The following TIE1 variants were observed in gnomAD, a reference collection of about 807,000 sequenced individuals.
TIE1 encodes the protein tyrosine kinase with immunoglobulin like and EGF like domains 1.
In TIE1, 89 loss-of-function variants were observed where a neutral mutation model predicts 130.5. The ratio of observed to expected loss-of-function variants is 0.68; its 90% CI spans 0.57 to 0.81. TIE1 has a LOEUF of 0.81. TIE1 is among the 40% of genes least tolerant of loss of function. The pLI is 0.00. For synonymous variants in TIE1, 568 were observed against 629.4 expected (o/e 0.90, Z 1.46); for missense variants, 1,392 against 1,559.8 (o/e 0.89, Z 1.81).
Position 43,307,349 on chromosome 1 carries a change from G to A in TIE1, c.772+76G>A. 3.7e-6 allele frequency: 6 copies of A among 1,611,716 alleles called. No homozygotes were observed. The highest frequency in any genetic ancestry group is 4.2e-6 in the Non-Finnish European group (5 of 1,178,450). On this transcript the variant is annotated intron_variant, in intron 5 of 22. Coordinates refer to ENST00000372476, the MANE Select transcript of TIE1 (RefSeq NM_005424.5). The surrounding 1 kb of genome is among the most constrained non-coding windows in gnomAD (Gnocchi z 5.4). The stretch of plus-strand genomic sequence containing the variant: ...AGAAGACCCTAGAACCATGTGGGTG[G>A]AGCTTGGAGGGTAAGGGCGACAGGC...
chr1:43,313,894 G>A lies in TIE1; in HGVS notation c.2335G>A (p.Ala779Thr), dbSNP rs770858676. Residue 779 changes from alanine to threonine, a missense_variant, in exon 14 of 23, where the codon GCC becomes ACC. Physicochemically the swap from Ala to Thr is moderately conservative, Grantham distance 58. Transcript: ENST00000372476. This position sits in a 1 kb window ranked among gnomAD's most constrained non-coding sequence, Gnocchi z 6.2. ...VSATCLTILA[A>T]LLTLVCIRRS... Reference sequence around the variant, plus strand: ...TGCCACCTGCCTCACCATCCTGGCTGCCCTTTTAACCCTGGTGTGCATCCG... The same window carrying A: ...TGCCACCTGCCTCACCATCCTGGCTACCCTTTTAACCCTGGTGTGCATCCG... 1.9e-5 allele frequency: 31 copies of A among 1,614,020 alleles called. No individual in the cohort carries two copies. The highest frequency in any genetic ancestry group is 4.0e-5 in the African/African-American group (3 of 74,916).
chr1:43,319,151 C>A lies in TIE1; in HGVS notation c.2923-84C>A. 1 of 952,530 alleles carries A rather than the reference C, an allele frequency of 1.0e-6. No individual in the cohort carries two copies. Among genetic ancestry groups the A allele is most frequent in the Non-Finnish European group, 1.7e-6 (1 of 582,540 alleles). The allele number at this position is 952,530 out of a possible 1,614,324, so 59.0% of individuals were successfully genotyped here. Reference sequence around the variant, plus strand: ...TGGGGTATTGAAGGTAACAAGGGTACCCACGAAGACTGACTCCTTACTGGC... The same window carrying A: ...TGGGGTATTGAAGGTAACAAGGGTAACCACGAAGACTGACTCCTTACTGGC... On this transcript the variant is annotated intron_variant, in intron 17 of 22. Transcript: ENST00000372476. The surrounding 1 kb of genome is among the most constrained non-coding windows in gnomAD (Gnocchi z 4.7).
At position 43,307,730 on chromosome 1, in the gene TIE1, G is replaced by C. The variant is rs534213674; in HGVS notation, c.914-66G>C. 23 of 1,605,936 alleles carry C rather than the reference G, an allele frequency of 1.4e-5. No individual in the cohort carries two copies. Among genetic ancestry groups the C allele is most frequent in the Non-Finnish European group, 2.0e-5 (23 of 1,174,506 alleles). On this transcript the variant is annotated intron_variant, in intron 6 of 22. Transcript: ENST00000372476. The surrounding 1 kb of genome is among the most constrained non-coding windows in gnomAD (Gnocchi z 5.4). The stretch of plus-strand genomic sequence containing the variant: ...GTTGTATAACCTGTGCCCCATCTGC[G>C]CCCTCATCTGTGCCCTCATTGCCCC...
Position 43,317,499 on chromosome 1 carries a change from C to T in TIE1, c.2621-65C>T. ...ACCTGGCTTCCTCCAGCAATTGACC[C>T]CAGCCCTTGCCAGCCCTTTCTCCAG... On this transcript the variant is annotated intron_variant, in intron 15 of 22. Transcript: ENST00000372476. This position sits in a 1 kb window ranked among gnomAD's most constrained non-coding sequence, Gnocchi z 5.1. 1.2e-6 allele frequency: 2 copies of T among 1,604,542 alleles called. No homozygotes were observed.
At position 43,321,505 on chromosome 1, in the gene TIE1, A is replaced by C. The variant is rs1374841556; in HGVS notation, c.3245+13A>C. The C allele has an allele frequency of 6.2e-7, 1 of 1,605,816 alleles. No individual in the cohort carries two copies. The highest frequency in any genetic ancestry group is 1.1e-5 in the South Asian group (1 of 90,134). On this transcript the variant is annotated intron_variant, in intron 21 of 22. Transcript: ENST00000372476. Reference sequence around the variant, plus strand: ...GTGACGATGAAGTGTGAGTCACCCCATCCTTGAGCTCCATGATCCTATCTC... The same window carrying C: ...GTGACGATGAAGTGTGAGTCACCCCCTCCTTGAGCTCCATGATCCTATCTC...
chr1:43,305,222 C>T lies in TIE1; in HGVS notation c.374-11C>T, dbSNP rs760561158. 1.9e-6 allele frequency: 3 copies of T among 1,613,934 alleles called. No homozygotes were observed. The South Asian group carries it at 3.3e-5, about 18-fold the overall frequency. ...GAAAACCAGGCCGCTGACCCACCTTCCACCCCGCAGCCCACCTGCTTCCAG... is the reference window on the plus strand; with the variant it reads ...GAAAACCAGGCCGCTGACCCACCTTTCACCCCGCAGCCCACCTGCTTCCAG... On this transcript the variant is annotated splice_polypyrimidine_tract_variant and intron_variant, in intron 2 of 22. Transcript: ENST00000372476.
In TIE1 at chr1:43,322,638, G is replaced by A; in HGVS notation, c.3346-13G>A. ...CCATTCCTGGCCCCCACTAAAGCTT[G>A]CTCTGCCCCCAGGCCTATGTGAACA... On this transcript the variant is annotated splice_polypyrimidine_tract_variant and intron_variant, in intron 22 of 22. Coordinates refer to ENST00000372476, the MANE Select transcript of TIE1 (RefSeq NM_005424.5). The surrounding 1 kb of genome is among the most constrained non-coding windows in gnomAD (Gnocchi z 4.0). The A allele has an allele frequency of 6.2e-7, 1 of 1,613,650 alleles. No homozygotes were observed. The highest frequency in any genetic ancestry group is 8.5e-7 in the Non-Finnish European group (1 of 1,179,752).
chr1:43,314,263 C>T (rs563003798), intron 14 of TIE1: 12 of 814,140 alleles, frequency 1.5e-5, no homozygotes, highest in East Asian at 4.8e-5. Flanking sequence ...TTTTGGGCTC[C>T]GTCAATTGGA....
In TIE1 at chr1:43,312,999, G is replaced by C; in HGVS notation, c.1928-136G>C. Reference sequence around the variant, plus strand: ...AATGGAGAGGAATTCAGTCTGGTGGGGAGGAGGAAGTTGGCAGGGTGGCCC... The same window carrying C: ...AATGGAGAGGAATTCAGTCTGGTGGCGAGGAGGAAGTTGGCAGGGTGGCCC... On this transcript the variant is annotated intron_variant, in intron 12 of 22. Transcript: ENST00000372476. This position sits in a 1 kb window ranked among gnomAD's most constrained non-coding sequence, Gnocchi z 5.6. The C allele has an allele frequency of 1.0e-6, 1 of 995,134 alleles. No homozygotes were observed. The highest frequency in any genetic ancestry group is 1.5e-6 in the Non-Finnish European group (1 of 677,396). 61.6% of individuals were successfully genotyped at this position (995,134 alleles called of 1,614,324 possible). A position where few individuals can be genotyped will look rare whatever the true frequency, so the allele number is the denominator to read the frequency against.
Position 43,318,779 on chromosome 1 carries a change from C to T in TIE1, c.2923-456C>T, listed in dbSNP as rs1276286747. ...TCAGCCTCCCAAAGTGCTGGGATTA[C>T]AGGCATGAGCCACTGCACCTGGCCA... On this transcript the variant is annotated intron_variant, in intron 17 of 22. Transcript: ENST00000372476. This position sits in a 1 kb window ranked among gnomAD's most constrained non-coding sequence, Gnocchi z 4.4. Among the ~76,000 whole-genome samples the T allele has an allele frequency of 6.6e-6, 1 of 152,112 alleles. No individual in the cohort carries two copies. The highest frequency in any genetic ancestry group is 2.4e-5 in the African/African-American group (1 of 41,406).
intron 14 of TIE1, chr1:43,314,375 C>A: frequency 2.6e-6 from 3 of 1,134,126 alleles, no homozygotes; most frequent in Non-Finnish European, 3.3e-6. Flanking sequence ...TGGCTTTTGT[C>A]CTTGCAGGCC....
rs749391694 is a variant in TIE1, at chr1:43,311,791, G to A, written c.1454G>A (p.Arg485Gln). The A allele has an allele frequency of 1.6e-5, 26 of 1,613,946 alleles. No individual in the cohort carries two copies. In the South Asian group the frequency reaches 2.0e-4, roughly 12 times the overall value. ...GPISTVRLHY[R>Q]PQDSTMDWST... The stretch of plus-strand genomic sequence containing the variant: ...ATCTCCACTGTCCGCCTGCACTACC[G>A]GCCCCAGGACAGTACCATGGACTGG... The change falls in exon 10 of 23, where the codon CGG (arginine) becomes CAG (glutamine). Residue 485 changes from arginine (R) to glutamine (Q), a missense_variant. Around this residue, in one of 6 missense-constraint regions of TIE1, gnomAD observed 551 missense variants for 565.5 expected, o/e 0.97. Transcript: ENST00000372476.
chr1:43,308,974 C>T lies in TIE1; in HGVS notation c.1043-12C>T. 1 of 1,613,972 alleles carries T rather than the reference C, an allele frequency of 6.2e-7. No homozygotes were observed. Among genetic ancestry groups the T allele is most frequent in the Non-Finnish European group, 8.5e-7 (1 of 1,179,954 alleles). On this transcript the variant is annotated splice_polypyrimidine_tract_variant and intron_variant, in intron 7 of 22. Coordinates refer to ENST00000372476, the MANE Select transcript of TIE1 (RefSeq NM_005424.5). ...CTGTGGGAGCTCCAGGATGAGTGTC[C>T]TTTCTCCCCAGACCGGATCCCCCAG... is the stretch of plus-strand genomic sequence containing the variant.
rs879468106 is a variant in TIE1, at chr1:43,318,861, G to A, written c.2923-374G>A. On this transcript the variant is annotated intron_variant, in intron 17 of 22. Coordinates refer to ENST00000372476, the MANE Select transcript of TIE1 (RefSeq NM_005424.5). The surrounding 1 kb of genome is among the most constrained non-coding windows in gnomAD (Gnocchi z 4.4). ...TTTGAAAGCAGAGGGGCAGGGGAAGGGGCCAGTGCAGAGGGAGGGGCTGGT... is the reference window on the plus strand; with the variant it reads ...TTTGAAAGCAGAGGGGCAGGGGAAGAGGCCAGTGCAGAGGGAGGGGCTGGT... Among the ~76,000 whole-genome samples the A allele has an allele frequency of 6.6e-5, 10 of 152,124 alleles. No homozygotes were observed. The highest frequency in any genetic ancestry group is 2.2e-4 in the African/African-American group (9 of 41,420).
rs1646729076 is a variant in TIE1, at chr1:43,306,455, G to A, written c.485-385G>A. On this transcript the variant is annotated intron_variant, in intron 3 of 22. Coordinates refer to ENST00000372476, the MANE Select transcript of TIE1 (RefSeq NM_005424.5). The surrounding 1 kb of genome is among the most constrained non-coding windows in gnomAD (Gnocchi z 4.9). ...CAGGAGAGTTTCAGCAGAGGAGTTA[G>A]AGAGGAGTCTGTTGTAAAAAATCAC... 6.6e-6 allele frequency among the ~76,000 whole-genome samples: 1 copy of A among 152,188 alleles called. No homozygotes were observed. The highest frequency in any genetic ancestry group is 6.5e-5 in the Admixed American group (1 of 15,282).
chr1:43,322,864 G>A lies in TIE1; in HGVS notation c.*142G>A. On this transcript the variant is annotated 3_prime_UTR_variant, in exon 23 of 23. Transcript: ENST00000372476. This position sits in a 1 kb window ranked among gnomAD's most constrained non-coding sequence, Gnocchi z 4.0. ...TTAAGGGAGAAAAAAAGGGATCTGG[G>A]GATGGGGTGGGCTTAGGGGAACTGG... The A allele has an allele frequency of 2.8e-6, 2 of 720,200 alleles. No homozygotes were observed. Among genetic ancestry groups the A allele is most frequent in the Middle Eastern group, 2.4e-4 (1 of 4,122 alleles). The allele number at this position is 720,200 out of a possible 1,614,324, so 44.6% of individuals were successfully genotyped here. A position where few individuals can be genotyped will look rare whatever the true frequency, so the allele number is the denominator to read the frequency against.
chr1:43,321,977 G>C (rs1330500577), intron 22 of TIE1, among the ~76,000 whole-genome samples: 1 of 152,160 alleles, frequency 6.6e-6, no homozygotes, highest in East Asian at 1.9e-4. Context: ...CCAAGTCCCA[G>C]ACTGCTTGCC....
Position 43,318,801 on chromosome 1 carries a change from G to A in TIE1, c.2923-434G>A, listed in dbSNP as rs12094415. Among the ~76,000 whole-genome samples, 363 of 152,248 alleles carry A rather than the reference G, an allele frequency of 2.4e-3. 1 individual carries two copies. Among genetic ancestry groups the A allele is most frequent in the African/African-American group, 8.2e-3 (339 of 41,544 alleles). ...TTACAGGCATGAGCCACTGCACCTG[G>A]CCAGCATTTTAAAGATAGTAAAGTT... is the stretch of plus-strand genomic sequence containing the variant. On this transcript the variant is annotated intron_variant, in intron 17 of 22. Coordinates refer to ENST00000372476, the MANE Select transcript of TIE1 (RefSeq NM_005424.5). The surrounding 1 kb of genome is among the most constrained non-coding windows in gnomAD (Gnocchi z 4.4).
At chr1:43,321,880 C>T (rs763083995) in intron 22 of TIE1, among the ~76,000 whole-genome samples, 165 bp downstream of exon 22, 4 of 152,186 alleles carry the variant, frequency 2.6e-5, no homozygotes, top group Non-Finnish European at 5.9e-5. Context: ...CCTGCCTTTC[C>T]AGCCCTCACT....
Sources: allele counts gnomAD v4.1 joint callset (sites outside exome capture counted in the v4.1 genomes callset), GRCh38; gene constraint gnomAD v4.1.1; regional missense constraint gnomAD v4.1.1; non-coding constraint Gnocchi (gnomAD v3.1); transcripts MANE v1.5; gene names NCBI Gene and HGNC (gene_info 2026-07-23, HGNC 2026-07-21).